NXPE4: variants seen among roughly 807,000 people sequenced by gnomAD.
NXPE4 encodes the protein neurexophilin and PC-esterase domain family member 4, also known as NXPE family member 4.
NXPE4 carries 42 observed loss-of-function variants against 33.3 expected under a neutral mutation model. The ratio of observed to expected loss-of-function variants is 1.26; its 90% CI spans 0.98 to 1.63. NXPE4 has a LOEUF of 1.63. NXPE4 is among the 40% of genes most tolerant of loss of function. NXPE4 has a pLI of 0.00. For synonymous variants in NXPE4, 253 were observed against 234.9 expected (o/e 1.08, Z -0.71); for missense variants, 709 against 647.6 (o/e 1.09, Z -1.03).
intron 2 of NXPE4, chr11:114,583,434 C>A (rs2135238995): frequency 1.5e-6 from 1 of 667,312 alleles, no homozygotes; most frequent in Non-Finnish European, 2.8e-6. Context: ...AAAGCCAATG[C>A]TGAGGAGATG....
At chr11:114,628,731 G>C in the NXPE4 span, among the ~76,000 whole-genome samples, 1 of 151,140 alleles carries the variant, frequency 6.6e-6, no homozygotes, top group Non-Finnish European at 1.5e-5. Flanking sequence ...ACGAATCCAG[G>C]AGCTGGTTTT....
At chr11:114,638,658 C>T in the NXPE4 span, among the ~76,000 whole-genome samples, 2 of 151,906 alleles carry the variant, frequency 1.3e-5, no homozygotes, top group South Asian at 2.1e-4. Flanking sequence ...GATGTCCTTT[C>T]TGTTTGTTAG....
the NXPE4 span, among the ~76,000 whole-genome samples, chr11:114,627,297 C>A: frequency 6.6e-6 from 1 of 152,076 alleles, no homozygotes; most frequent in Non-Finnish European, 1.5e-5. Flanking sequence ...CAAAGGGAAG[C>A]CCATCAGACT....
the NXPE4 span, among the ~76,000 whole-genome samples, chr11:114,635,576 A>T: frequency 1.3e-5 from 2 of 152,112 alleles, no homozygotes; most frequent in South Asian, 2.1e-4. Flanking sequence ...GTTTTTGCCC[A>T]TTCAGTATGA....
chr11:114,631,871 C>G, the NXPE4 span, among the ~76,000 whole-genome samples: 3 of 150,878 alleles, frequency 2.0e-5, no homozygotes, highest in Non-Finnish European at 2.9e-5. Flanking sequence ...CGTGGGTAAC[C>G]GCTGTTACCC....
chr11:114,626,186 G>A, the NXPE4 span, among the ~76,000 whole-genome samples: 1 of 152,178 alleles, frequency 6.6e-6, no homozygotes, highest in African/African-American at 2.4e-5. Context: ...AGCTTAAGGA[G>A]GGCTGCCTGC....
At chr11:114,672,120 G>T in the NXPE4 span, among the ~76,000 whole-genome samples, 1 of 151,912 alleles carries the variant, frequency 6.6e-6, no homozygotes, top group South Asian at 2.1e-4. Context: ...TCTAGTACAA[G>T]AACAGCAAGG....
rs562070796 is a variant in NXPE4, at chr11:114,575,771, CT to C, written c.1100-4299del. Among the ~76,000 whole-genome samples, 17 of 152,198 alleles carry C rather than the reference CT, an allele frequency of 1.1e-4. No individual in the cohort carries two copies. The East Asian group carries it at 2.9e-3, about 26-fold the overall frequency. ...AATAAATATTGTGAAAATGACAGTACTGTCAAAAGCAATCTACAAATTCAAT... is the reference window on the plus strand; with the variant it reads ...AATAAATATTGTGAAAATGACAGTACGTCAAAAGCAATCTACAAATTCAAT... On this transcript the variant is annotated intron_variant, in intron 5 of 5. Transcript: ENST00000375478.
the NXPE4 span, among the ~76,000 whole-genome samples, chr11:114,630,438 A>C: frequency 1.2e-4 from 18 of 151,860 alleles, 1 homozygote; most frequent in Non-Finnish European, 1.6e-4. Flanking sequence ...TTCCCTATTT[A>C]ATAAATGGTG....
At chr11:114,598,242 C>G (rs1000908440), upstream of NXPE4, among the ~76,000 whole-genome samples, 7 of 54,078 alleles carry the variant, frequency 1.3e-4, no homozygotes, top group Admixed American at 5.2e-4. Flanking sequence ...GGCACACTAA[C>G]GCAAGGGGTG....
upstream of NXPE4, among the ~76,000 whole-genome samples, chr11:114,595,959 AAG>A (rs1308593876): frequency 2.0e-5 from 3 of 152,338 alleles, no homozygotes; most frequent in African/African-American, 4.8e-5. Flanking sequence ...TGATGAGAAA[AAG>A]AGTGTTTGAT....
the NXPE4 span, among the ~76,000 whole-genome samples, chr11:114,617,080 T>A: frequency 1.3e-5 from 2 of 151,584 alleles, no homozygotes; most frequent in African/African-American, 4.9e-5. Flanking sequence ...GGGTAACAAC[T>A]GTTAATGCAT....
chr11:114,649,580 T>TA, the NXPE4 span, among the ~76,000 whole-genome samples: 1 of 152,132 alleles, frequency 6.6e-6, no homozygotes, highest in South Asian at 2.1e-4. Flanking sequence ...GGCAACTAGG[T>TA]AAAAAACATC....
At chr11:114,647,143 T>C in the NXPE4 span, among the ~76,000 whole-genome samples, 4 of 152,328 alleles carry the variant, frequency 2.6e-5, no homozygotes, top group African/African-American at 9.6e-5. Context: ...TAAATAAAAC[T>C]GCTAATTACA....
rs113752574 is a variant in NXPE4, at chr11:114,594,861, A to C, written c.-10-92T>G. Reference sequence around the variant, plus strand: ...GAAACATTTGAAATTTTTTTGGCTCATGATTACTTTTTAGCCTCAGATAAA... The same window carrying C: ...GAAACATTTGAAATTTTTTTGGCTCCTGATTACTTTTTAGCCTCAGATAAA... On this transcript the variant is annotated intron_variant, in intron 1 of 5. Transcript: ENST00000375478. The C allele has an allele frequency of 8.7e-4, 600 of 689,166 alleles. 2 individuals are homozygous for C. In the African/African-American group the frequency reaches 9.3e-3, roughly 11 times the overall value. The allele number at this position is 689,166 out of a possible 1,614,324, so 42.7% of individuals were successfully genotyped here.
chr11:114,634,469 T>G, the NXPE4 span, among the ~76,000 whole-genome samples: 2 of 152,128 alleles, frequency 1.3e-5, no homozygotes, highest in Non-Finnish European at 2.9e-5. Context: ...TTAGTTTAGT[T>G]AGATCCCACT....
chr11:114,622,713 A>C, the NXPE4 span, among the ~76,000 whole-genome samples: 1 of 150,798 alleles, frequency 6.6e-6, no homozygotes, highest in Non-Finnish European at 1.5e-5. Flanking sequence ...CCCGGTGGAT[A>C]ATACGTGTTC....
intron 2 of NXPE4, among the ~76,000 whole-genome samples, chr11:114,587,302 A>C (rs1949326486): frequency 6.6e-6 from 1 of 152,218 alleles, no homozygotes; most frequent in South Asian, 2.1e-4. Context: ...TCCAATTAAA[A>C]TGGTACTTAA....
chr11:114,575,682 C>T lies in NXPE4; in HGVS notation c.1100-4209G>A, dbSNP rs151320980. ...CTCTACAAGGAAAACTACAAAACAC[C>T]GCCCAAAGAAATTATAGATGACATG... is the stretch of plus-strand genomic sequence containing the variant. On this transcript the variant is annotated intron_variant, in intron 5 of 5. Transcript: ENST00000375478. Among the ~76,000 whole-genome samples, 379 of 151,994 alleles carry T rather than the reference C, an allele frequency of 2.5e-3. 4 individuals carry two copies. Among genetic ancestry groups the T allele is most frequent in the Non-Finnish European group, 2.6e-3 (174 of 67,914 alleles).
Sources: allele counts gnomAD v4.1 joint callset (sites outside exome capture counted in the v4.1 genomes callset), GRCh38; gene constraint gnomAD v4.1.1; transcripts MANE v1.5; gene names NCBI Gene and HGNC (gene_info 2026-07-23, HGNC 2026-07-21).